Variants in HECTD4 observed in about 807,000 individuals in gnomAD.
HECTD4 encodes the protein HECT domain E3 ubiquitin protein ligase 4.
A neutral mutation model predicts 471.5 loss-of-function variants in HECTD4; 114 were observed. That is an observed-to-expected ratio of 0.24 (90% CI 0.21 to 0.28). The LOEUF is 0.28. Among genes scored for constraint, HECTD4 ranks in the 10% least tolerant of loss-of-function variants. HECTD4 has a pLI of 1.00. For missense variants in HECTD4, 3,866 were observed against 5,651.5 expected, an observed-to-expected ratio of 0.68 and a Z score of 10.13; for synonymous variants, 2,012 against 2,256.0, an observed-to-expected ratio of 0.89 and a Z score of 3.07.
At chr12:112,246,767 A>C in intron 29 of HECTD4, 134 bp downstream of exon 29, 1 of 701,370 alleles carries the variant, frequency 1.4e-6, no homozygotes, top group Non-Finnish European at 2.1e-6. Context: ...AATATGTTAA[A>C]ATTTCCTTTT....
chr12:112,310,802 G>T lies in HECTD4; in HGVS notation c.917-1133C>A, dbSNP rs11066253. On this transcript the variant is annotated intron_variant, in intron 4 of 75. Transcript: ENST00000682272. ...ATTTATTCATCAATTTTTAGATTAA[G>T]GCCCAAGGCCTTCTGGGTATGGCTC... Among the ~76,000 whole-genome samples, 8,490 of 152,150 alleles carry T rather than the reference G, an allele frequency of 0.056. 1,300 individuals are homozygous for T. The East Asian group carries it at 0.61, about 11-fold the overall frequency.
intron 37 of HECTD4, 99 bp downstream of exon 37, chr12:112,234,978 G>T: frequency 9.4e-7 from 1 of 1,067,224 alleles, no homozygotes; most frequent in Non-Finnish European, 1.3e-6. Flanking sequence ...GTGTAAAGAG[G>T]GCCGAGGCAG....
intron 69 of HECTD4, chr12:112,170,043 T>G: frequency 3.7e-6 from 2 of 544,002 alleles, no homozygotes; most frequent in Non-Finnish European, 6.6e-6. Flanking sequence ...TTTCCTTTGA[T>G]GCTGGAATCC....
At chr12:112,377,637 A>T (rs2036806955) in intron 1 of HECTD4, among the ~76,000 whole-genome samples, 1 of 152,184 alleles carries the variant, frequency 6.6e-6, no homozygotes, top group African/African-American at 2.4e-5. Flanking sequence ...TTGGGAGGCT[A>T]AGGAAAGCAG....
chr12:112,221,927 C>CTT (rs755864566), intron 44 of HECTD4, among the ~76,000 whole-genome samples: 9,255 of 134,434 alleles, frequency 0.069, 427 homozygotes, highest in East Asian at 0.22. Context: ...GCTGATTTTT[C>CTT]TTTTTTTTTT....
intron 18 of HECTD4, among the ~76,000 whole-genome samples, chr12:112,260,096 A>G (rs935702707): frequency 2.6e-5 from 4 of 151,942 alleles, no homozygotes; most frequent in South Asian, 2.1e-4. Context: ...CCCAAACTCT[A>G]TGCGCATTAA....
chr12:112,380,663 ATCCTCCTCT>A (rs1051629061), intron 1 of HECTD4, among the ~76,000 whole-genome samples: 1 of 152,082 alleles, frequency 6.6e-6, no homozygotes, highest in African/African-American at 2.4e-5. Flanking sequence ...TACCAACCAT[ATCCTCCTCT>A]TTTTGGTGAC....
At position 112,193,209 on chromosome 12, in the gene HECTD4, A is replaced by G. The variant is rs766140356; in HGVS notation, c.8956-18T>C. 3.7e-6 allele frequency: 6 copies of G among 1,612,962 alleles called. No individual in the cohort carries two copies. The highest frequency in any genetic ancestry group is 5.1e-6 in the Non-Finnish European group (6 of 1,179,480). On this transcript the variant is annotated intron_variant, in intron 57 of 75. Coordinates refer to ENST00000682272, the MANE Select transcript of HECTD4 (RefSeq NM_001388303.1). This position sits in a 1 kb window ranked among gnomAD's most constrained non-coding sequence, Gnocchi z 5.2. ...GGTGCTGTCTGCAAAGAGACACTGA[A>G]TAAGGAAAGCCACGGGCTAAACACA...
At chr12:112,268,144 G>T (rs1469519014) in intron 13 of HECTD4, among the ~76,000 whole-genome samples, 1 of 152,042 alleles carries the variant, frequency 6.6e-6, no homozygotes, top group Non-Finnish European at 1.5e-5. Context: ...TTTAATTGAG[G>T]TTTAACATTT....
intron 66 of HECTD4, 63 bp downstream of exon 66, chr12:112,175,673 T>G (rs551158110): frequency 1.3e-6 from 2 of 1,562,502 alleles, no homozygotes; most frequent in Non-Finnish European, 1.7e-6. Context: ...TCAGAAATTA[T>G]GCTCTTGGCT....
chr12:112,175,887 T>A, intron 65 of HECTD4, 28 bp from the exon 66 acceptor site: 1 of 1,611,772 alleles, frequency 6.2e-7, no homozygotes, highest in Non-Finnish European at 8.5e-7. Context: ...GTGTGAGGAA[T>A]CTGGTGAGAC....
At chr12:112,169,972 C>T in intron 69 of HECTD4, 1 of 547,882 alleles carries the variant, frequency 1.8e-6, no homozygotes, top group Non-Finnish European at 3.3e-6. Flanking sequence ...GCGCATATCC[C>T]CCTTCTGTCT....
In HECTD4 at chr12:112,239,004, A is replaced by G; in HGVS notation, c.5290+48T>C. 8 of 1,527,322 alleles carry G rather than the reference A, an allele frequency of 5.2e-6. No homozygotes were observed. Among genetic ancestry groups the G allele is most frequent in the Non-Finnish European group, 7.0e-6 (8 of 1,134,818 alleles). 94.6% of individuals were successfully genotyped at this position (1,527,322 alleles called of 1,614,324 possible). ...CATAAAAAAACCAATAAACTAACACACCAATAGAAGAAATCAGTGAGCTCT... is the reference window on the plus strand; with the variant it reads ...CATAAAAAAACCAATAAACTAACACGCCAATAGAAGAAATCAGTGAGCTCT... On this transcript the variant is annotated intron_variant, in intron 34 of 75. Coordinates refer to ENST00000682272, the MANE Select transcript of HECTD4 (RefSeq NM_001388303.1). The surrounding 1 kb of genome is among the most constrained non-coding windows in gnomAD (Gnocchi z 4.9).
At chr12:112,214,755 T>C (rs1680081445) in intron 48 of HECTD4, among the ~76,000 whole-genome samples, 1 of 152,200 alleles carries the variant, frequency 6.6e-6, no homozygotes. Context: ...AGGTAAGTAC[T>C]CTGCTGAGAT....
At chr12:112,374,568 A>T (rs2036743721) in intron 1 of HECTD4, among the ~76,000 whole-genome samples, 1 of 152,320 alleles carries the variant, frequency 6.6e-6, no homozygotes, top group East Asian at 1.9e-4. Flanking sequence ...AGTGACTCCT[A>T]TTACAGTGCT....
At chr12:112,309,797 G>A (rs957095538) in intron 4 of HECTD4, 128 bp from the exon 5 acceptor site, 3 of 512,354 alleles carry the variant, frequency 5.9e-6, no homozygotes, top group Non-Finnish European at 1.0e-5. Context: ...TAAAATAAGA[G>A]CTTCAATGTG....
chr12:112,275,478 C>T (rs2034506306), intron 9 of HECTD4, among the ~76,000 whole-genome samples: 1 of 152,144 alleles, frequency 6.6e-6, no homozygotes, highest in Non-Finnish European at 1.5e-5. Flanking sequence ...TGAATTCCAG[C>T]TCTAAAACTT....
At chr12:112,216,396 G>C (rs2032917680) in intron 47 of HECTD4, 25 bp from the exon 48 acceptor site, 1 of 1,494,594 alleles carries the variant, frequency 6.7e-7, no homozygotes, top group South Asian at 1.2e-5. Flanking sequence ...AAGAAGGGAG[G>C]TCAAAGACAA....
At chr12:112,209,976 G>A in intron 50 of HECTD4, 39 bp downstream of exon 50, 1 of 1,495,252 alleles carries the variant, frequency 6.7e-7, no homozygotes, top group East Asian at 2.3e-5. Flanking sequence ...CATGGTCTCA[G>A]GAAGCCATGG....
Sources: allele counts gnomAD v4.1 joint callset (sites outside exome capture counted in the v4.1 genomes callset), GRCh38; gene constraint gnomAD v4.1.1; non-coding constraint Gnocchi (gnomAD v3.1); transcripts MANE v1.5; gene names NCBI Gene and HGNC (gene_info 2026-07-23, HGNC 2026-07-21).